Variants in ARHGAP6 observed in about 807,000 individuals in gnomAD.
ARHGAP6 encodes rho GTPase-activating protein 6.
ARHGAP6 carries 16 observed loss-of-function variants against 55.7 expected under a neutral mutation model. The ratio of observed to expected loss-of-function variants is 0.29; its 90% CI spans 0.19 to 0.44. The LOEUF (loss-of-function observed/expected upper bound fraction) is 0.44. Ranked by LOEUF, ARHGAP6 falls within the 20% of genes least tolerant of loss-of-function variation. ARHGAP6 has a pLI of 1.00. For synonymous variants in ARHGAP6, 382 were observed against 360.9 expected (o/e 1.06, Z -0.66); for missense variants, 698 against 808.9 (o/e 0.86, Z 1.66).
At chrX:11,313,171 C>T (rs1483090679) in intron 1 of ARHGAP6, among the ~76,000 whole-genome samples, 2 of 112,289 alleles carry the variant, frequency 1.8e-5, no homozygotes, top group Admixed American at 1.9e-4. Context: ...GAGGCAAAGC[C>T]AGAATTCCTG....
chrX:11,317,399 G>A (rs1752693341), intron 1 of ARHGAP6, among the ~76,000 whole-genome samples: 1 of 111,896 alleles, frequency 8.9e-6, no homozygotes, highest in African/African-American at 3.3e-5. Context: ...ACCCACAGTT[G>A]AGAAACACTA....
At chrX:11,174,627 C>CTTTCTCTTTCT (rs1569241467) in intron 8 of ARHGAP6, among the ~76,000 whole-genome samples, 6 of 10,721 alleles carry the variant, frequency 5.6e-4, no homozygotes, top group Admixed American at 1.3e-3. Context: ...TCTTTCTTTT[C>CTTTCTCTTTCT]TTTCTTTCTT....
chrX:11,254,523 G>T (rs367993004), intron 2 of ARHGAP6, 25 bp downstream of exon 2: 1 of 1,199,897 alleles, frequency 8.3e-7, no homozygotes, highest in Non-Finnish European at 1.1e-6. Flanking sequence ...AGTGTTCCCC[G>T]GCAGAAAGGC....
At chrX:11,624,991 C>G (rs1382916291) in intron 1 of ARHGAP6, among the ~76,000 whole-genome samples, 2 of 111,631 alleles carry the variant, frequency 1.8e-5, no homozygotes, top group African/African-American at 6.5e-5. Context: ...TGGCTTATAT[C>G]CAAAAGACAG....
chrX:11,491,475 C>A lies in ARHGAP6; in HGVS notation c.588+172766G>T, dbSNP rs767557190. Among the ~76,000 whole-genome samples the A allele has an allele frequency of 1.6e-4, 17 of 107,789 alleles. 1 individual carries two copies. The East Asian group carries it at 4.4e-3, about 28-fold the overall frequency. 93.6% of individuals were successfully genotyped at this position (107,789 alleles called of 115,157 possible). Reference sequence around the variant, plus strand: ...GAGAATATGCGGTGTCTGGTTTTTTCTTCTTGCGATAGTTTACTGAGAATG... The same window carrying A: ...GAGAATATGCGGTGTCTGGTTTTTTATTCTTGCGATAGTTTACTGAGAATG... On this transcript the variant is annotated intron_variant, in intron 1 of 12. Transcript: ENST00000337414.
intron 1 of ARHGAP6, among the ~76,000 whole-genome samples, chrX:11,313,415 G>A (rs1048325739): frequency 1.3e-4 from 15 of 111,957 alleles, no homozygotes; most frequent in Non-Finnish European, 2.6e-4. Context: ...AACACTCATG[G>A]ACAAGGCAAG....
At position 11,395,842 on chromosome X, in the gene ARHGAP6, A is replaced by C. The variant is rs554155319; in HGVS notation, c.589-141135T>G. On this transcript the variant is annotated intron_variant, in intron 1 of 12. Transcript: ENST00000337414. ...CTATTTCCCTTGTCACTTTCCTTCC[A>C]AAAATAATTATCTCTGAATAATTTC... is the stretch of plus-strand genomic sequence containing the variant. Among the ~76,000 whole-genome samples, 117 of 112,411 alleles carry C rather than the reference A, an allele frequency of 1.0e-3. No individual in the cohort carries two copies. In the Middle Eastern group the frequency reaches 0.028, roughly 26 times the overall value.
chrX:11,401,133 T>C (rs1269142512), intron 1 of ARHGAP6, among the ~76,000 whole-genome samples: 5 of 111,753 alleles, frequency 4.5e-5, no homozygotes, highest in Non-Finnish European at 9.4e-5. Context: ...CTTGCTGAAA[T>C]ATAGCTTTGT....
intron 1 of ARHGAP6, among the ~76,000 whole-genome samples, chrX:11,388,725 T>C (rs1362050182): frequency 8.9e-6 from 1 of 111,980 alleles, no homozygotes; most frequent in African/African-American, 3.3e-5. Flanking sequence ...TTGAATTGAT[T>C]TTTGTATAAG....
At chrX:11,610,301 C>CA (rs1280945504) in intron 1 of ARHGAP6, among the ~76,000 whole-genome samples, 1 of 109,992 alleles carries the variant, frequency 9.1e-6, no homozygotes, top group Admixed American at 9.6e-5. Flanking sequence ...CTGTGAGCCC[C>CA]AGGCACTGTG....
chrX:11,616,976 A>G (rs1413679373), intron 1 of ARHGAP6, among the ~76,000 whole-genome samples: 1 of 112,048 alleles, frequency 8.9e-6, no homozygotes, highest in African/African-American at 3.2e-5. Flanking sequence ...AGTAGACAAT[A>G]TAACTCTTAA....
At chrX:11,541,951 T>A (rs2051162009) in intron 1 of ARHGAP6, among the ~76,000 whole-genome samples, 2 of 112,378 alleles carry the variant, frequency 1.8e-5, no homozygotes, top group African/African-American at 6.5e-5. Context: ...CATACTGAAA[T>A]ACAAATGCAG....
At chrX:11,280,066 T>C (rs1295926446) in intron 1 of ARHGAP6, among the ~76,000 whole-genome samples, 1 of 111,352 alleles carries the variant, frequency 9.0e-6, no homozygotes, top group African/African-American at 3.3e-5. Flanking sequence ...GGGATGCTTC[T>C]CAACATCCTA....
chrX:11,550,289 A>G (rs1202326646), intron 1 of ARHGAP6, among the ~76,000 whole-genome samples: 2 of 111,926 alleles, frequency 1.8e-5, no homozygotes, highest in Non-Finnish European at 3.8e-5. Flanking sequence ...CAAAGTGTGG[A>G]CCAAAAAAAT....
chrX:11,400,938 G>T (rs1490078166), intron 1 of ARHGAP6, among the ~76,000 whole-genome samples: 1 of 112,369 alleles, frequency 8.9e-6, no homozygotes, highest in Non-Finnish European at 1.9e-5. Flanking sequence ...AAATATTAGA[G>T]TTCAAGCCTC....
At chrX:11,156,852 C>T (rs1231561104) in intron 9 of ARHGAP6, among the ~76,000 whole-genome samples, 2 of 112,582 alleles carry the variant, frequency 1.8e-5, no homozygotes, top group Non-Finnish European at 3.7e-5. Flanking sequence ...TGTCACCCCT[C>T]ATATGCCTGG....
intron 1 of ARHGAP6, among the ~76,000 whole-genome samples, chrX:11,633,140 T>C (rs1316890049): frequency 1.8e-5 from 2 of 112,466 alleles, no homozygotes; most frequent in Non-Finnish European, 1.9e-5. Flanking sequence ...AGCTCTTCCC[T>C]ACAAATCACT....
chrX:11,296,308 C>T (rs1327706021), intron 1 of ARHGAP6, among the ~76,000 whole-genome samples: 1 of 112,139 alleles, frequency 8.9e-6, no homozygotes, highest in Non-Finnish European at 1.9e-5. Context: ...AGGGAACATT[C>T]GTGAGACAAT....
At chrX:11,443,298 A>G (rs775312301) in intron 1 of ARHGAP6, among the ~76,000 whole-genome samples, 27 of 111,911 alleles carry the variant, frequency 2.4e-4, no homozygotes, top group Admixed American at 7.6e-4. Context: ...TCTATTGTTG[A>G]TAGACATTTT....
Sources: allele counts gnomAD v4.1 joint callset (sites outside exome capture counted in the v4.1 genomes callset), GRCh38; gene constraint gnomAD v4.1.1; transcripts MANE v1.5; gene names NCBI Gene and HGNC (gene_info 2026-07-23, HGNC 2026-07-21).